The following SRPX2 variants were observed in gnomAD, a reference collection of about 807,000 sequenced individuals.
The protein encoded by SRPX2 is sushi repeat-containing protein SRPX2.
Under a neutral mutation model 45.3 loss-of-function variants are expected in SRPX2, and 26 were observed. That is an observed-to-expected ratio of 0.57 (90% CI 0.42 to 0.80). The LOEUF is 0.80. Among genes scored for constraint, SRPX2 ranks in the 30% least tolerant of loss-of-function variants. SRPX2 has a pLI of 0.00. For missense variants in SRPX2, 355 were observed against 399.8 expected, an observed-to-expected ratio of 0.89 and a Z score of 0.95; for synonymous variants, 125 against 143.7, an observed-to-expected ratio of 0.87 and a Z score of 0.93.
chrX:100,666,969 G>T (rs771226465), intron 8 of SRPX2, 36 bp downstream of exon 8: 1 of 1,191,517 alleles, frequency 8.4e-7, no homozygotes, highest in Admixed American at 2.3e-5. Flanking sequence ...AGTGGATGTG[G>T]TGATCAGGGG....
Position 100,657,349 on chromosome X carries a change from C to CT in SRPX2, c.164-4808dup, listed in dbSNP as rs1163232018. On this transcript the variant is annotated intron_variant, in intron 3 of 10. Coordinates refer to ENST00000373004, the MANE Select transcript of SRPX2 (RefSeq NM_014467.3). ...CCTGGCCGGCATCTGTTATTTATGT[C>CT]TTTTTTTTTTTTTTTTTTTGAGACA... Among the ~76,000 whole-genome samples the CT allele has an allele frequency of 7.3e-3, 208 of 28,408 alleles. 45 individuals carry two copies. The highest frequency in any genetic ancestry group is 0.015 in the African/African-American group (149 of 9,679). The allele number at this position is 28,408 out of a possible 115,157, so 24.7% of individuals were successfully genotyped here.
intron 3 of SRPX2, among the ~76,000 whole-genome samples, chrX:100,651,552 A>T (rs983460722): frequency 1.1e-4 from 12 of 110,810 alleles, no homozygotes; most frequent in Non-Finnish European, 2.1e-4. Flanking sequence ...AGGCCGAGAT[A>T]GGTGGATCAC....
rs1267977258 is a variant in SRPX2 at position 100,671,352 on chromosome X, G to A, written c.*365G>A. The stretch of plus-strand genomic sequence containing the variant: ...CTGAGGTGACAGCAGAGGGCAGCAC[G>A]AGCACAACAGAAACCAGCTTACACT... On this transcript the variant is annotated 3_prime_UTR_variant, in exon 11 of 11. Coordinates refer to ENST00000373004, the MANE Select transcript of SRPX2 (RefSeq NM_014467.3). 1 of 246,419 alleles carries A rather than the reference G, an allele frequency of 4.1e-6. No individual in the cohort carries two copies. The highest frequency in any genetic ancestry group is 7.4e-6 in the Non-Finnish European group (1 of 135,220). 20.3% of individuals were successfully genotyped at this position (246,419 alleles called of 1,213,427 possible). A position where few individuals can be genotyped will look rare whatever the true frequency, so the allele number is the denominator to read the frequency against.
Position 100,670,982 on chromosome X carries a change from G to C in SRPX2, c.1393G>C (p.Glu465Gln), listed in dbSNP as rs898722174. 4.1e-6 allele frequency: 5 copies of C among 1,205,402 alleles called. No individual in the cohort carries two copies. Among genetic ancestry groups the C allele is most frequent in the Middle Eastern group, 2.3e-4 (1 of 4,343 alleles). Residue 465 changes from glutamate to glutamine, a missense_variant, in exon 11 of 11, where the codon GAG becomes CAG. Transcript: ENST00000373004. ...GCGTCGGGAGCAAAGGGACATATGCGAGTGAACTTGAGCCAGGGCATGGTT... is the reference window on the plus strand; with the variant it reads ...GCGTCGGGAGCAAAGGGACATATGCCAGTGAACTTGAGCCAGGGCATGGTT... Reference protein sequence around the residue: ...TQRREQRDICE With the variant: ...TQRREQRDICQ
rs2083227694 is a variant in SRPX2, at chrX:100,671,914, C to G, written c.*927C>G. 1 of 112,079 alleles carries G rather than the reference C, an allele frequency of 8.9e-6. No homozygotes were observed. The highest frequency in any genetic ancestry group is 9.4e-5 in the Admixed American group (1 of 10,617). The allele number at this position is 112,079 out of a possible 1,213,427, so 9.2% of individuals were successfully genotyped here. ...CTCCAGCTGGCTCACGGGCAAGAAC[C>G]CCTTCTTCCTGAGGCCTCCCGTTTC... On this transcript the variant is annotated 3_prime_UTR_variant, in exon 11 of 11. Coordinates refer to ENST00000373004, the MANE Select transcript of SRPX2 (RefSeq NM_014467.3).
chrX:100,655,571 G>A (rs952275243), intron 3 of SRPX2, among the ~76,000 whole-genome samples: 2 of 111,344 alleles, frequency 1.8e-5, no homozygotes, highest in Admixed American at 9.5e-5. Flanking sequence ...CAATTACATA[G>A]GACATGGAGT....
At chrX:100,663,212 G>A (rs922204685) in intron 4 of SRPX2, among the ~76,000 whole-genome samples, 1 of 110,862 alleles carries the variant, frequency 9.0e-6, no homozygotes, top group Non-Finnish European at 1.9e-5. Flanking sequence ...CACCCCTCTC[G>A]GTGACTGGAA....
At position 100,665,547 on chromosome X, in the gene SRPX2, G is replaced by A. The variant is rs763624310; in HGVS notation, c.671G>A (p.Arg224Gln). The A allele has an allele frequency of 2.8e-5, 34 of 1,210,244 alleles. No individual in the cohort carries two copies. The highest frequency in any genetic ancestry group is 3.0e-5 in the East Asian group (1 of 33,779). The stretch of plus-strand genomic sequence containing the variant: ...CCTGTCCCATGCAGGGTGACACTTC[G>A]GGGCCCTGAGCCTGGCTCTCACTTT... Reference protein sequence around the residue: ...ADGTITRVTLRGPEPGSHFPE... With the variant: ...ADGTITRVTLQGPEPGSHFPE... Residue 224 changes from arginine to glutamine, a missense_variant, in exon 7 of 11, where the codon CGG becomes CAG. By Grantham distance (43) the Arg-to-Gln change is conservative. Coordinates refer to ENST00000373004, the MANE Select transcript of SRPX2 (RefSeq NM_014467.3).
At chrX:100,660,607 A>T (rs981013821) in intron 3 of SRPX2, among the ~76,000 whole-genome samples, 1 of 112,076 alleles carries the variant, frequency 8.9e-6, no homozygotes, top group African/African-American at 3.2e-5. Flanking sequence ...AGGCGAGCAG[A>T]TTAAGAAGTC....
chrX:100,667,549 A>G, intron 9 of SRPX2, 142 bp downstream of exon 9: 2 of 795,890 alleles, frequency 2.5e-6, no homozygotes, highest in Non-Finnish European at 3.7e-6. Context: ...TTTACCATAG[A>G]CATATTTAGC....
chrX:100,667,128 T>G, intron 8 of SRPX2, 146 bp from the exon 9 acceptor site: 1 of 1,039,403 alleles, frequency 9.6e-7, no homozygotes, highest in South Asian at 2.0e-5. Flanking sequence ...AATCTCTAAG[T>G]GTTCTTTTAG....
intron 9 of SRPX2, among the ~76,000 whole-genome samples, chrX:100,668,327 CAAAAAAAAAAAAAAAGA>C (rs1308017022): frequency 2.9e-5 from 1 of 34,356 alleles, no homozygotes; most frequent in East Asian, 1.1e-3. Context: ...AGCAGTTTTA[CAAAAAAAAAAAAAAAGA>C]AAAAAAAAAA....
rs17282432 is a variant in SRPX2 at position 100,652,326 on chromosome X, G to A, written c.163+1461G>A. ...ACAAACTGATGTCTGAAAGCACTCA[G>A]TCTGTACACCTGGAAGAAATAAGAC... On this transcript the variant is annotated intron_variant, in intron 3 of 10. Transcript: ENST00000373004. Among the ~76,000 whole-genome samples the A allele has an allele frequency of 6.8e-3, 760 of 112,300 alleles. 17 individuals are homozygous for A. Among genetic ancestry groups the A allele is most frequent in the Admixed American group, 0.054 (571 of 10,582 alleles).
Position 100,671,182 on chromosome X carries a change from G to C in SRPX2, c.*195G>C. 2.0e-6 allele frequency: 1 copy of C among 497,642 alleles called. No individual in the cohort carries two copies. Among genetic ancestry groups the C allele is most frequent in the Non-Finnish European group, 3.4e-6 (1 of 290,068 alleles). The allele number at this position is 497,642 out of a possible 1,213,427, so 41.0% of individuals were successfully genotyped here. On this transcript the variant is annotated 3_prime_UTR_variant, in exon 11 of 11. Coordinates refer to ENST00000373004, the MANE Select transcript of SRPX2 (RefSeq NM_014467.3). ...ATAGTTTCCCTAGAAGCTAGGTAGG[G>C]ACTGAGGACAGGCCTTGGGCAGTGG... is the stretch of plus-strand genomic sequence containing the variant.
intron 4 of SRPX2, among the ~76,000 whole-genome samples, chrX:100,663,160 A>C (rs977572281): frequency 1.8e-5 from 2 of 110,971 alleles, no homozygotes; most frequent in Non-Finnish European, 3.8e-5. Flanking sequence ...GACGCTGTAG[A>C]CGAGAAAAGA....
At chrX:100,659,432 G>A (rs983438716) in intron 3 of SRPX2, among the ~76,000 whole-genome samples, 3 of 111,580 alleles carry the variant, frequency 2.7e-5, no homozygotes, top group African/African-American at 9.8e-5. Flanking sequence ...TTATTCTACC[G>A]ATTCCAATCT....
intron 2 of SRPX2, 67 bp from the exon 3 acceptor site, chrX:100,650,718 G>A: frequency 9.8e-7 from 1 of 1,024,313 alleles, no homozygotes; most frequent in Non-Finnish European, 1.4e-6. Context: ...GGATGAGAGG[G>A]GGAAGGTTGG....
chrX:100,670,293 G>A (rs1197547020), intron 10 of SRPX2, among the ~76,000 whole-genome samples: 1 of 111,870 alleles, frequency 8.9e-6, no homozygotes, highest in Non-Finnish European at 1.9e-5. Context: ...TGCCTCTAGG[G>A]CACAGTCTCA....
rs1347371669 is a variant in SRPX2 at position 100,674,901 on chromosome X, G to A, written c.*3914G>A. 1 of 111,548 alleles carries A rather than the reference G, an allele frequency of 9.0e-6. No individual in the cohort carries two copies. The highest frequency in any genetic ancestry group is 9.5e-5 in the Admixed American group (1 of 10,494). 9.2% of individuals were successfully genotyped at this position (111,548 alleles called of 1,213,427 possible). On this transcript the variant is annotated 3_prime_UTR_variant, in exon 11 of 11. Coordinates refer to ENST00000373004, the MANE Select transcript of SRPX2 (RefSeq NM_014467.3). ...CATGTAATATGTAGGTCAAATTTAG[G>A]AAACAATAGCAAAAACAGGAACTGA...
Sources: allele counts gnomAD v4.1 joint callset (sites outside exome capture counted in the v4.1 genomes callset), GRCh38; gene constraint gnomAD v4.1.1; transcripts MANE v1.5; gene names NCBI Gene and HGNC (gene_info 2026-07-23, HGNC 2026-07-21).